Variants in PRKN observed in about 807,000 individuals in gnomAD.
PRKN encodes the protein E3 ubiquitin-protein ligase parkin.
A neutral mutation model predicts 59.5 loss-of-function variants in PRKN; 56 were observed. The observed-to-expected ratio is 0.94, with a 90% CI of 0.76 to 1.18. The LOEUF (loss-of-function observed/expected upper bound fraction) is 1.18. Ranked by LOEUF, PRKN falls within the 50% of genes most tolerant of loss-of-function variation. The pLI is 0.00. For synonymous variants in PRKN, 250 were observed against 222.1 expected (o/e 1.13, Z -1.12); for missense variants, 657 against 596.4 (o/e 1.10, Z -1.06).
intron 5 of PRKN, among the ~76,000 whole-genome samples, chr6:162,039,678 AAAGT>A (rs944872762): frequency 2.6e-5 from 4 of 152,228 alleles, no homozygotes; most frequent in African/African-American, 9.6e-5. Flanking sequence ...TTTTCCTTAT[AAAGT>A]AAGTACTCAA....
intron 3 of PRKN, among the ~76,000 whole-genome samples, chr6:162,231,917 A>T (rs1778437311): frequency 6.6e-6 from 1 of 152,132 alleles, no homozygotes; most frequent in African/African-American, 2.4e-5. Context: ...GCCCCACCTC[A>T]CTAATAAGGG....
At chr6:162,262,370 A>T in intron 3 of PRKN, 155 bp downstream of exon 3, 1 of 854,336 alleles carries the variant, frequency 1.2e-6, no homozygotes, top group Non-Finnish European at 2.0e-6. Flanking sequence ...ACATCAAAGT[A>T]CTCCACCTAC....
At chr6:161,875,355 G>A (rs1473755046) in intron 6 of PRKN, among the ~76,000 whole-genome samples, 1 of 151,112 alleles carries the variant, frequency 6.6e-6, no homozygotes, top group African/African-American at 2.4e-5. Context: ...CATCACACCT[G>A]GCTAATTTTT....
intron 6 of PRKN, among the ~76,000 whole-genome samples, chr6:161,906,884 C>T (rs34046274): frequency 0.016 from 2,401 of 151,842 alleles, 33 homozygotes; most frequent in Non-Finnish European, 0.025. Flanking sequence ...AGATGAAGGC[C>T]GGAAGACTCA....
intron 1 of PRKN, among the ~76,000 whole-genome samples, chr6:162,610,824 A>C (rs2128218752): frequency 6.6e-6 from 1 of 152,336 alleles, no homozygotes; most frequent in Non-Finnish European, 1.5e-5. Flanking sequence ...AATTCATTCG[A>C]GATTTTATGA....
intron 3 of PRKN, among the ~76,000 whole-genome samples, chr6:162,226,271 C>CAG (rs767402820): frequency 6.0e-5 from 9 of 150,366 alleles, no homozygotes; most frequent in South Asian, 2.1e-4. Context: ...GAGACAGATA[C>CAG]AGAGAGAGAG....
chr6:161,380,271 C>G lies in PRKN; in HGVS notation c.1167+6523G>C, dbSNP rs1582996663. On this transcript the variant is annotated intron_variant, in intron 10 of 11. Transcript: ENST00000366898. ...ACAATTCCTCCAACCCCGTGGAGAA[C>G]TGGCCAGGTCCCACTTTTATGCTTC... Among the ~76,000 whole-genome samples the G allele has an allele frequency of 2.0e-5, 3 of 152,188 alleles. No individual in the cohort carries two copies. The South Asian group carries it at 6.2e-4, about 31-fold the overall frequency.
intron 9 of PRKN, among the ~76,000 whole-genome samples, chr6:161,537,652 CAT>C (rs1779467181): frequency 6.6e-6 from 1 of 152,048 alleles, no homozygotes; most frequent in African/African-American, 2.4e-5. Context: ...GGGGTTTCAC[CAT>C]GTTAGCCTGG....
chr6:161,689,335 G>A (rs955484280), intron 7 of PRKN, among the ~76,000 whole-genome samples: 3 of 151,720 alleles, frequency 2.0e-5, no homozygotes, highest in Admixed American at 6.6e-5. Context: ...ATGCCACCTC[G>A]TTCTATTGCT....
chr6:161,940,159 G>A (rs1779506715), intron 6 of PRKN, among the ~76,000 whole-genome samples: 1 of 152,152 alleles, frequency 6.6e-6, no homozygotes, highest in African/African-American at 2.4e-5. Flanking sequence ...GCATCCCAAA[G>A]TGCTGGGATT....
intron 9 of PRKN, among the ~76,000 whole-genome samples, chr6:161,404,658 C>T (rs955063259): frequency 6.6e-6 from 1 of 152,184 alleles, no homozygotes; most frequent in African/African-American, 2.4e-5. Flanking sequence ...TTCTATGGCT[C>T]TGTGTTCAGA....
At chr6:162,468,479 T>C (rs142050597) in intron 1 of PRKN, among the ~76,000 whole-genome samples, 1 of 152,188 alleles carries the variant, frequency 6.6e-6, no homozygotes, top group Non-Finnish European at 1.5e-5. Context: ...ACAGAGGATA[T>C]CATTTCTAAA....
intron 5 of PRKN, among the ~76,000 whole-genome samples, chr6:161,986,173 C>T (rs1781428305): frequency 6.6e-6 from 1 of 152,168 alleles, no homozygotes. Flanking sequence ...CATAAACTGC[C>T]CCTTAATCTG....
At chr6:161,835,284 T>G (rs948852737) in intron 6 of PRKN, among the ~76,000 whole-genome samples, 1 of 152,098 alleles carries the variant, frequency 6.6e-6, no homozygotes, top group African/African-American at 2.4e-5. Flanking sequence ...AAAAGGGAAC[T>G]GACTTGAGCG....
chr6:161,613,350 C>T (rs997300230), intron 7 of PRKN, among the ~76,000 whole-genome samples: 6 of 150,762 alleles, frequency 4.0e-5, no homozygotes, highest in Admixed American at 2.0e-4. Flanking sequence ...GGAGTTGCTT[C>T]TTATGGATGC....
chr6:161,661,096 C>A (rs947406454), intron 7 of PRKN, among the ~76,000 whole-genome samples: 2 of 152,184 alleles, frequency 1.3e-5, no homozygotes, highest in Admixed American at 1.3e-4. Context: ...TGGGTTAGCA[C>A]AAGAGACTTC....
chr6:162,358,540 A>C (rs1044624492), intron 2 of PRKN, among the ~76,000 whole-genome samples: 10 of 152,186 alleles, frequency 6.6e-5, no homozygotes, highest in African/African-American at 2.4e-4. Context: ...TCATAAAAGA[A>C]CTTATTTTTG....
intron 1 of PRKN, among the ~76,000 whole-genome samples, chr6:162,614,928 A>G (rs963816277): frequency 2.6e-5 from 4 of 152,216 alleles, no homozygotes; most frequent in Non-Finnish European, 5.9e-5. Context: ...ATTTCTATGC[A>G]TTGAGAATAG....
At chr6:162,303,153 G>A (rs552002204) in intron 2 of PRKN, among the ~76,000 whole-genome samples, 1 of 152,174 alleles carries the variant, frequency 6.6e-6, no homozygotes, top group South Asian at 2.1e-4. Context: ...ATATTTTAAT[G>A]GCAATAGTTA....
Sources: allele counts gnomAD v4.1 joint callset (sites outside exome capture counted in the v4.1 genomes callset), GRCh38; gene constraint gnomAD v4.1.1; transcripts MANE v1.5; gene names NCBI Gene and HGNC (gene_info 2026-07-23, HGNC 2026-07-21).